RIMS2: variants seen among roughly 807,000 people sequenced by gnomAD.
The protein encoded by RIMS2 is regulating synaptic membrane exocytosis protein 2.
RIMS2 carries 59 observed loss-of-function variants against 174.4 expected under a neutral mutation model. The observed-to-expected ratio is 0.34, with a 90% CI of 0.27 to 0.42. The LOEUF is 0.42. Among genes scored for constraint, RIMS2 ranks in the 10% least tolerant of loss-of-function variants. RIMS2 has a pLI of 1.00. For synonymous variants in RIMS2, 606 were observed against 572.5 expected (o/e 1.06, Z -0.84); for missense variants, 1,620 against 1,666.3 (o/e 0.97, Z 0.48).
chr8:104,248,059 G>A lies in RIMS2; in HGVS notation c.3477-642G>A, dbSNP rs909325569. On this transcript the variant is annotated intron_variant, in intron 20 of 23. Transcript: ENST00000504942. Reference sequence around the variant, plus strand: ...AAAGCAGTGGGAGACAGTGCTTCAAGGAAGAGGGGGCAAGGGAAATTGTGT... The same window carrying A: ...AAAGCAGTGGGAGACAGTGCTTCAAAGAAGAGGGGGCAAGGGAAATTGTGT... 9.2e-5 allele frequency among the ~76,000 whole-genome samples: 14 copies of A among 152,102 alleles called. 2 individuals carry two copies. The South Asian group carries it at 2.9e-3, about 32-fold the overall frequency.
intron 19 of RIMS2, among the ~76,000 whole-genome samples, chr8:104,153,491 A>C (rs1320463281): frequency 6.6e-6 from 1 of 152,186 alleles, no homozygotes; most frequent in African/African-American, 2.4e-5. Context: ...ATTCAGCCTC[A>C]TAGGGGAATC....
chr8:103,789,749 C>CTTTTTTTTTTTTTTT (rs11354049), intron 3 of RIMS2, among the ~76,000 whole-genome samples: 2 of 85,186 alleles, frequency 2.3e-5, no homozygotes, highest in Non-Finnish European at 4.4e-5. Flanking sequence ...GGATTGTACT[C>CTTTTTTTTTTTTTTT]TTTTTTTTTT....
At chr8:103,776,504 C>T (rs2098318424) in intron 3 of RIMS2, among the ~76,000 whole-genome samples, 1 of 151,812 alleles carries the variant, frequency 6.6e-6, no homozygotes, top group Admixed American at 6.6e-5. Context: ...GTTTTTTTCT[C>T]CAGTGGTTTT....
At chr8:104,069,463 CTT>C (rs71297250) in intron 19 of RIMS2, among the ~76,000 whole-genome samples, 1 of 91,964 alleles carries the variant, frequency 1.1e-5, no homozygotes, top group Admixed American at 1.3e-4. Flanking sequence ...ATTAATTGTT[CTT>C]TTTTTTTTTT....
intron 3 of RIMS2, among the ~76,000 whole-genome samples, chr8:103,820,823 A>G (rs2098747467): frequency 6.6e-6 from 1 of 151,736 alleles, no homozygotes; most frequent in African/African-American, 2.4e-5. Flanking sequence ...AGGATATTCT[A>G]AATTGGATAT....
chr8:103,594,382 G>T (rs892530180), intron 1 of RIMS2, among the ~76,000 whole-genome samples: 2 of 151,542 alleles, frequency 1.3e-5, no homozygotes, highest in African/African-American at 4.8e-5. Context: ...ATTCAGGCAT[G>T]AATCATAGTG....
intron 19 of RIMS2, among the ~76,000 whole-genome samples, chr8:104,133,696 A>C (rs2098493068): frequency 6.6e-6 from 1 of 152,156 alleles, no homozygotes; most frequent in South Asian, 2.1e-4. Flanking sequence ...AATGGTCAAA[A>C]TCTGGATGGG....
intron 3 of RIMS2, chr8:103,819,418 C>T (rs146278437): frequency 2.7e-5 from 42 of 1,583,298 alleles, no homozygotes; most frequent in South Asian, 3.4e-5. Context: ...ACTTGATTGG[C>T]GTGTTTTTAT....
intron 15 of RIMS2, among the ~76,000 whole-genome samples, chr8:103,964,874 C>CA (rs74326005): frequency 0.13 from 19,300 of 152,140 alleles, 1,692 homozygotes; most frequent in Non-Finnish European, 0.19. Flanking sequence ...TGCATGTGGA[C>CA]ATCCAATTGT....
exon 6 of RIMS2, chr8:103,912,153 G>T: frequency 6.2e-7 from 1 of 1,607,192 alleles, no homozygotes; most frequent in South Asian, 1.1e-5. Context: ...CGAGATTCAG[G>T]AGCAATGCTT....
intron 19 of RIMS2, among the ~76,000 whole-genome samples, chr8:104,162,794 A>G (rs555965414): frequency 1.1e-4 from 16 of 152,226 alleles, no homozygotes; most frequent in Non-Finnish European, 1.9e-4. Context: ...GAGCCAAGAA[A>G]TACATACAAG....
rs995526254 is a variant in RIMS2 at position 104,135,636 on chromosome 8, G to C, written c.3335-109280G>C. Among the ~76,000 whole-genome samples, 5 of 104,610 alleles carry C rather than the reference G, an allele frequency of 4.8e-5. No individual in the cohort carries two copies. The South Asian group carries it at 1.4e-3, about 28-fold the overall frequency. The allele number at this position is 104,610 out of a possible 152,430, so 68.6% of individuals were successfully genotyped here. A position where few individuals can be genotyped will look rare whatever the true frequency, so the allele number is the denominator to read the frequency against. Reference sequence around the variant, plus strand: ...CTCAAAAAAAAAAAAAAAAAAAAAAGAATGCTGAAATGTTGAGATGTACAC... The same window carrying C: ...CTCAAAAAAAAAAAAAAAAAAAAAACAATGCTGAAATGTTGAGATGTACAC... On this transcript the variant is annotated intron_variant, in intron 19 of 23. Transcript: ENST00000504942.
chr8:103,710,353 T>A (rs965843917), intron 2 of RIMS2, among the ~76,000 whole-genome samples: 2 of 152,164 alleles, frequency 1.3e-5, no homozygotes, highest in African/African-American at 4.8e-5. Context: ...TTTAGTTAAT[T>A]CTCTTGAGGT....
intron 3 of RIMS2, among the ~76,000 whole-genome samples, chr8:103,794,041 C>T (rs2098527804): frequency 6.6e-6 from 1 of 152,156 alleles, no homozygotes; most frequent in Non-Finnish European, 1.5e-5. Context: ...CCATCCCCTT[C>T]AAGCTACCAA....
intron 3 of RIMS2, among the ~76,000 whole-genome samples, chr8:103,793,003 A>G (rs2098514922): frequency 1.3e-5 from 2 of 152,348 alleles, no homozygotes; most frequent in South Asian, 4.1e-4. Context: ...TACCAGAGGT[A>G]CAAAGATGAA....
chr8:103,571,532 A>C (rs2092804686), intron 1 of RIMS2, among the ~76,000 whole-genome samples: 1 of 152,072 alleles, frequency 6.6e-6, no homozygotes, highest in South Asian at 2.1e-4. Flanking sequence ...TGACACACAG[A>C]TTTCTTATAT....
intron 19 of RIMS2, among the ~76,000 whole-genome samples, chr8:104,043,242 G>A (rs1402109818): frequency 6.6e-6 from 1 of 151,568 alleles, no homozygotes; most frequent in Non-Finnish European, 1.5e-5. Flanking sequence ...GCTTCTTGAT[G>A]GCTTGGGGAA....
At position 104,223,243 on chromosome 8, in the gene RIMS2, G is replaced by A. The variant is rs558036056; in HGVS notation, c.3335-21673G>A. Reference sequence around the variant, plus strand: ...CGCCCCGGAGCCACCAGCCCACCGAGGTGCAGCCGCGCCGCCACCTCCCCC... The same window carrying A: ...CGCCCCGGAGCCACCAGCCCACCGAAGTGCAGCCGCGCCGCCACCTCCCCC... On this transcript the variant is annotated intron_variant, in intron 19 of 23. Coordinates refer to ENST00000504942, the Ensembl canonical transcript of RIMS2. The A allele has an allele frequency of 3.2e-5, 12 of 371,386 alleles. No homozygotes were observed. In the South Asian group the frequency reaches 1.2e-3, roughly 37 times the overall value. The allele number at this position is 371,386 out of a possible 1,614,324, so 23.0% of individuals were successfully genotyped here.
At chr8:103,522,677 A>G (rs1391261279) in intron 1 of RIMS2, among the ~76,000 whole-genome samples, 1 of 152,160 alleles carries the variant, frequency 6.6e-6, no homozygotes, top group East Asian at 1.9e-4. Context: ...TCCCTAGTGC[A>G]TTAGAAAAAG....
Sources: allele counts gnomAD v4.1 joint callset (sites outside exome capture counted in the v4.1 genomes callset), GRCh38; gene constraint gnomAD v4.1.1; transcripts MANE v1.5; gene names NCBI Gene and HGNC (gene_info 2026-07-23, HGNC 2026-07-21).